NRXN3: variants seen among roughly 807,000 people sequenced by gnomAD.
The protein encoded by NRXN3 is neurexin III.
NRXN3 carries 32 observed loss-of-function variants against 137.6 expected under a neutral mutation model. The observed-to-expected ratio is 0.23, with a 90% CI of 0.18 to 0.31. The LOEUF (loss-of-function observed/expected upper bound fraction) is 0.31, where lower values mean the gene tolerates loss of function less well. Among genes scored for constraint, NRXN3 ranks in the 10% least tolerant of loss-of-function variants. The pLI is 1.00. For synonymous variants in NRXN3, 798 were observed against 784.5 expected, an observed-to-expected ratio of 1.02 and a Z score of -0.29; for missense variants, 1,574 against 2,062.5, an observed-to-expected ratio of 0.76 and a Z score of 4.59.
chr14:79,677,156 A>G (rs2098645129), intron 17 of NRXN3, among the ~76,000 whole-genome samples: 1 of 152,060 alleles, frequency 6.6e-6, no homozygotes, highest in Non-Finnish European at 1.5e-5. Context: ...ATTGAAACAA[A>G]TATGATTTTA....
intron 15 of NRXN3, among the ~76,000 whole-genome samples, chr14:79,105,322 C>T (rs372231878): frequency 2.0e-5 from 3 of 152,096 alleles, no homozygotes; most frequent in East Asian, 1.9e-4. Context: ...TTCAGTCACA[C>T]GTGAATTGTC....
At chr14:79,504,637 T>TATATATATA (rs2096855249) in intron 16 of NRXN3, among the ~76,000 whole-genome samples, 1 of 61,526 alleles carries the variant, frequency 1.6e-5, no homozygotes, top group African/African-American at 1.0e-4. Context: ...TAAAATGAAG[T>TATATATATA]TTTTTATATA....
rs113730224 is a variant in NRXN3, at chr14:78,537,379, G to A, written c.758-107741G>A. ...CTGGTGATGATGAGCATTTTTACAT[G>A]TGTCTATTAATTGGCTGCATAGATG... is the stretch of plus-strand genomic sequence containing the variant. On this transcript the variant is annotated intron_variant, in intron 4 of 20. Coordinates refer to ENST00000335750, the MANE Select transcript of NRXN3 (RefSeq NM_001330195.2). 1.2e-4 allele frequency among the ~76,000 whole-genome samples: 18 copies of A among 152,270 alleles called. 1 individual carries two copies. The highest frequency in any genetic ancestry group is 3.6e-4 in the African/African-American group (15 of 41,568).
At position 79,715,414 on chromosome 14, in the gene NRXN3, A is replaced by G. The variant is rs571606701; in HGVS notation, c.4014+17477A>G. ...GTATTTTTCCTCTAAAAGACTGTGGAGATTCTGGCAAACCTATATTTTGGG... is the reference window on the plus strand; with the variant it reads ...GTATTTTTCCTCTAAAAGACTGTGGGGATTCTGGCAAACCTATATTTTGGG... On this transcript the variant is annotated intron_variant, in intron 19 of 20. Transcript: ENST00000335750. 2.0e-5 allele frequency among the ~76,000 whole-genome samples: 3 copies of G among 152,162 alleles called. No individual in the cohort carries two copies. The South Asian group carries it at 6.2e-4, about 31-fold the overall frequency.
chr14:78,308,939 A>G (rs2077648143), intron 4 of NRXN3, among the ~76,000 whole-genome samples: 1 of 152,122 alleles, frequency 6.6e-6, no homozygotes, highest in South Asian at 2.1e-4. Flanking sequence ...ATTATTAGTG[A>G]TATCTCTGAA....
intron 15 of NRXN3, among the ~76,000 whole-genome samples, chr14:79,181,190 A>C (rs1421739178): frequency 1.3e-5 from 2 of 152,020 alleles, no homozygotes; most frequent in Non-Finnish European, 2.9e-5. Context: ...CTGAGATTCC[A>C]CTTTGACCTT....
intron 15 of NRXN3, among the ~76,000 whole-genome samples, chr14:79,036,970 A>G (rs569332274): frequency 2.0e-5 from 3 of 152,166 alleles, no homozygotes; most frequent in South Asian, 2.1e-4. Flanking sequence ...GCCGACCACT[A>G]TTTCAATTCC....
chr14:79,005,217 G>T (rs184180989), intron 15 of NRXN3, among the ~76,000 whole-genome samples: 2 of 152,282 alleles, frequency 1.3e-5, no homozygotes, highest in Admixed American at 1.3e-4. Flanking sequence ...AGGAGCTCTT[G>T]CCTCATGACT....
At chr14:79,434,221 G>A (rs538825189) in intron 15 of NRXN3, among the ~76,000 whole-genome samples, 1 of 152,170 alleles carries the variant, frequency 6.6e-6, no homozygotes, top group South Asian at 2.1e-4. Context: ...CTCTGGCACT[G>A]GTTACCCAAT....
intron 4 of NRXN3, among the ~76,000 whole-genome samples, chr14:78,561,952 A>G (rs968070921): frequency 1.3e-5 from 2 of 152,212 alleles, no homozygotes; most frequent in African/African-American, 4.8e-5. Context: ...TGTATTTTTC[A>G]AAGAAAGTCA....
chr14:79,722,039 C>A (rs1326276904), intron 19 of NRXN3, among the ~76,000 whole-genome samples: 1 of 152,044 alleles, frequency 6.6e-6, no homozygotes, highest in African/African-American at 2.4e-5. Flanking sequence ...TTTTATTGTT[C>A]TATAACAGTC....
intron 15 of NRXN3, among the ~76,000 whole-genome samples, chr14:79,118,037 C>T (rs1356477980): frequency 1.3e-5 from 2 of 151,770 alleles, no homozygotes; most frequent in Non-Finnish European, 2.9e-5. Context: ...TTCAAAGATA[C>T]AGGGTGCAGA....
chr14:78,967,345 A>G lies in NRXN3; in HGVS notation c.2915A>G (p.Asp972Gly). The change falls in exon 13 of 21, where the codon GAC becomes GGC. Residue 972 changes from aspartate to glycine, a missense_variant. Around this residue, in one of 5 missense-constraint regions of NRXN3, gnomAD observed 718 missense variants for 887.6 expected, o/e 0.81. Coordinates refer to ENST00000335750, the MANE Select transcript of NRXN3 (RefSeq NM_001330195.2). ...AGTAACACTCATAGCCTGAAAGTGG[A>G]CACCAAAGTGGTCACTCAGGTTATC... is the stretch of plus-strand genomic sequence containing the variant. The part of the protein sequence containing the change: ...DNSNTHSLKV[D>G]TKVVTQVING... The G allele has an allele frequency of 6.2e-7, 1 of 1,614,036 alleles. No individual in the cohort carries two copies. Among genetic ancestry groups the G allele is most frequent in the Non-Finnish European group, 8.5e-7 (1 of 1,179,924 alleles).
At chr14:78,318,989 A>G (rs1458759533) in intron 4 of NRXN3, among the ~76,000 whole-genome samples, 2 of 152,216 alleles carry the variant, frequency 1.3e-5, no homozygotes, top group Non-Finnish European at 2.9e-5. Context: ...AAGATTCTGC[A>G]TTTTTAACAA....
At chr14:79,000,766 A>G (rs2099539781) in intron 15 of NRXN3, among the ~76,000 whole-genome samples, 3 of 152,118 alleles carry the variant, frequency 2.0e-5, no homozygotes, top group South Asian at 2.1e-4. Context: ...CATGGACACA[A>G]TCGTATTGTC....
intron 1 of NRXN3, among the ~76,000 whole-genome samples, chr14:78,201,020 C>T (rs188158339): frequency 1.7e-3 from 260 of 152,256 alleles, no homozygotes; most frequent in African/African-American, 5.8e-3. Context: ...GAAGGTCCCT[C>T]CTCGGGGTGA....
intron 15 of NRXN3, among the ~76,000 whole-genome samples, chr14:79,236,087 C>A (rs369607043): frequency 3.3e-5 from 5 of 152,224 alleles, no homozygotes; most frequent in African/African-American, 1.2e-4. Flanking sequence ...AATAATTACA[C>A]TTTATTGATA....
At chr14:78,960,972 T>G (rs1244443022) in intron 11 of NRXN3, among the ~76,000 whole-genome samples, 1 of 152,106 alleles carries the variant, frequency 6.6e-6, no homozygotes. Context: ...AATAAGCTAA[T>G]GTACATTGCA....
chr14:78,513,565 T>A (rs2096149082), intron 4 of NRXN3, among the ~76,000 whole-genome samples: 1 of 152,166 alleles, frequency 6.6e-6, no homozygotes, highest in Admixed American at 6.5e-5. Context: ...GAACATGCAG[T>A]CTATTTTGGC....
Sources: gnomAD v4.1 joint callset for allele counts (sites outside exome capture counted in the v4.1 genomes callset) on GRCh38, gnomAD v4.1.1 for gene constraint, gnomAD v4.1.1 regional missense constraint, MANE v1.5 for transcripts, NCBI Gene and HGNC (gene_info 2026-07-23, HGNC 2026-07-21) for gene names.